Variants in RANBP2 observed in about 807,000 individuals in gnomAD.
RANBP2 encodes E3 SUMO-protein ligase RanBP2.
RANBP2 carries 57 observed loss-of-function variants against 303.6 expected under a neutral mutation model. The ratio of observed to expected loss-of-function variants is 0.19; its 90% CI spans 0.15 to 0.23. The LOEUF is 0.23. Ranked by LOEUF, RANBP2 falls within the 10% of genes least tolerant of loss-of-function variation. The pLI is 1.00. For missense variants in RANBP2, 3,138 were observed against 3,780.8 expected, an observed-to-expected ratio of 0.83 and a Z score of 4.46; for synonymous variants, 1,167 against 1,301.5, an observed-to-expected ratio of 0.90 and a Z score of 2.23.
At chr2:108,913,703 T>C in the RANBP2 span, among the ~76,000 whole-genome samples, 12 of 152,254 alleles carry the variant, frequency 7.9e-5, no homozygotes, top group African/African-American at 2.6e-4. Context: ...TGAGTTCTTC[T>C]TGTTAGAAGG....
chr2:109,128,642 C>CG, the RANBP2 span: 3 of 162,410 alleles, frequency 1.8e-5, no homozygotes, highest in East Asian at 1.9e-4. Flanking sequence ...GGGAGCGCTC[C>CG]GGGGGGTCGT....
chr2:108,786,252 C>CTTTT (rs5833304), downstream of RANBP2, among the ~76,000 whole-genome samples: 13 of 136,082 alleles, frequency 9.6e-5, no homozygotes, highest in Middle Eastern at 3.8e-3. Flanking sequence ...TCAGCTTTCC[C>CTTTT]TTTTTTTTTT....
chr2:109,093,300 A>G, the RANBP2 span, among the ~76,000 whole-genome samples: 1 of 151,412 alleles, frequency 6.6e-6, no homozygotes, highest in Non-Finnish European at 1.5e-5. Context: ...TATTTATGTA[A>G]CTTTGTCATT....
At chr2:109,695,591 C>A in the RANBP2 span, among the ~76,000 whole-genome samples, 1 of 152,122 alleles carries the variant, frequency 6.6e-6, no homozygotes. Flanking sequence ...GTGGGAAAAT[C>A]GGGGTATCAC....
At chr2:108,888,570 T>C in the RANBP2 span, among the ~76,000 whole-genome samples, 1 of 152,222 alleles carries the variant, frequency 6.6e-6, no homozygotes, top group African/African-American at 2.4e-5. Context: ...AATTTATCCA[T>C]TTTCTCTGTG....
chr2:108,906,585 T>A, the RANBP2 span, among the ~76,000 whole-genome samples: 2 of 152,210 alleles, frequency 1.3e-5, no homozygotes, highest in East Asian at 3.9e-4. Flanking sequence ...CGGGTGCGTC[T>A]TAGGCTCAGC....
the RANBP2 span, chr2:108,876,020 TGTCA>T: frequency 2.8e-5 from 27 of 950,102 alleles, no homozygotes; most frequent in Non-Finnish European, 3.9e-5. Context: ...ATAAATTATC[TGTCA>T]GTGTCATTGC....
the RANBP2 span, among the ~76,000 whole-genome samples, chr2:109,210,255 A>G: frequency 1.3e-5 from 2 of 152,344 alleles, no homozygotes; most frequent in East Asian, 1.9e-4. Context: ...GAATAATGTC[A>G]CTATGCGTGT....
chr2:108,745,964 T>C (rs1696480319), intron 7 of RANBP2, among the ~76,000 whole-genome samples: 1 of 151,282 alleles, frequency 6.6e-6, no homozygotes, highest in Non-Finnish European at 1.5e-5. Context: ...TGGAGCACAG[T>C]GGCATGATCA....
At chr2:109,149,052 T>C in the RANBP2 span, among the ~76,000 whole-genome samples, 1 of 152,208 alleles carries the variant, frequency 6.6e-6, no homozygotes, top group Non-Finnish European at 1.5e-5. Context: ...ATTTGCTCTT[T>C]CCTTCCTTCA....
chr2:109,602,720 T>C, the RANBP2 span, among the ~76,000 whole-genome samples: 1 of 150,540 alleles, frequency 6.6e-6, no homozygotes, highest in Non-Finnish European at 1.5e-5. Context: ...TGGCTCGAAT[T>C]CCTTCAAAAG....
chr2:108,753,394 C>T (rs1324631237), intron 13 of RANBP2, 32 bp from the exon 14 acceptor site: 6 of 1,610,938 alleles, frequency 3.7e-6, no homozygotes, highest in East Asian at 2.2e-5. Flanking sequence ...TGAGTATAAA[C>T]AATTTGACTA....
At chr2:109,730,489 T>C in the RANBP2 span, among the ~76,000 whole-genome samples, 1 of 152,190 alleles carries the variant, frequency 6.6e-6, no homozygotes, top group East Asian at 1.9e-4. Flanking sequence ...ACTGGATGAC[T>C]TGTAAAAGTT....
the RANBP2 span, among the ~76,000 whole-genome samples, chr2:109,555,718 A>C: frequency 1.3e-5 from 2 of 152,184 alleles, no homozygotes; most frequent in Non-Finnish European, 2.9e-5. Context: ...GCAGCTGACC[A>C]ATCGTTACCT....
chr2:109,531,842 T>C, the RANBP2 span, among the ~76,000 whole-genome samples: 175 of 152,364 alleles, frequency 1.1e-3, no homozygotes, highest in African/African-American at 4.2e-3. Flanking sequence ...GAGGTCATCA[T>C]GGTCACCTCA....
the RANBP2 span, among the ~76,000 whole-genome samples, chr2:109,044,574 A>G: frequency 8.0e-6 from 1 of 124,530 alleles, no homozygotes; most frequent in Non-Finnish European, 1.7e-5. Context: ...ACCAATTTCA[A>G]TAAAAAATAT....
chr2:109,222,934 T>TGGG, the RANBP2 span, among the ~76,000 whole-genome samples: 3 of 152,244 alleles, frequency 2.0e-5, no homozygotes, highest in Non-Finnish European at 2.9e-5. Context: ...GGGATGGACC[T>TGGG]GCCCCTGCCT....
chr2:109,092,097 C>T, the RANBP2 span, among the ~76,000 whole-genome samples: 1 of 152,088 alleles, frequency 6.6e-6, no homozygotes, highest in Non-Finnish European at 1.5e-5. Flanking sequence ...TTTGGAAGGC[C>T]TTCTGTCTGT....
At chr2:109,399,244 G>T in the RANBP2 span, among the ~76,000 whole-genome samples, 1 of 152,192 alleles carries the variant, frequency 6.6e-6, no homozygotes, top group African/African-American at 2.4e-5. Flanking sequence ...CCCCGTGTCA[G>T]TCGGCTTCCA....
Sources: allele counts gnomAD v4.1 joint callset (sites outside exome capture counted in the v4.1 genomes callset), GRCh38; gene constraint gnomAD v4.1.1; transcripts MANE v1.5; gene names NCBI Gene and HGNC (gene_info 2026-07-23, HGNC 2026-07-21).